The following KCTD16 variants were observed in gnomAD, a reference collection of about 807,000 sequenced individuals.
The protein encoded by KCTD16 is BTB/POZ domain-containing protein KCTD16.
KCTD16 carries 13 observed loss-of-function variants against 33.2 expected under a neutral mutation model. That is an observed-to-expected ratio of 0.39 (90% CI 0.25 to 0.62). The LOEUF (loss-of-function observed/expected upper bound fraction) is 0.62. KCTD16 is among the 20% of genes least tolerant of loss of function. The probability of loss-of-function intolerance (pLI) is 0.50; values close to 1 mark genes in which losing one functional copy is unlikely to be tolerated. For missense variants in KCTD16, 441 were observed against 525.1 expected, an observed-to-expected ratio of 0.84 and a Z score of 1.57; for synonymous variants, 197 against 195.3, an observed-to-expected ratio of 1.01 and a Z score of -0.07.
At chr5:144,352,106 CATCT>C (rs1054458844) in intron 3 of KCTD16, among the ~76,000 whole-genome samples, 4 of 152,170 alleles carry the variant, frequency 2.6e-5, no homozygotes, top group African/African-American at 9.7e-5. Context: ...ACAATGTATA[CATCT>C]ATCAAAACAT....
At chr5:144,380,273 C>G (rs950543403) in intron 3 of KCTD16, among the ~76,000 whole-genome samples, 1 of 151,990 alleles carries the variant, frequency 6.6e-6, no homozygotes, top group African/African-American at 2.4e-5. Flanking sequence ...CCTAGGAATA[C>G]AGCTTACCAA....
At chr5:144,386,226 G>A (rs890619416) in intron 3 of KCTD16, among the ~76,000 whole-genome samples, 50 of 152,176 alleles carry the variant, frequency 3.3e-4, no homozygotes, top group African/African-American at 1.1e-3. Flanking sequence ...CCTCTGTTGT[G>A]AACTGAGTGT....
intron 3 of KCTD16, among the ~76,000 whole-genome samples, chr5:144,384,752 T>C (rs1266345972): frequency 6.6e-6 from 1 of 152,194 alleles, no homozygotes; most frequent in Non-Finnish European, 1.5e-5. Flanking sequence ...AATGAACTGT[T>C]GTGGTAATAT....
rs533817724 is a variant in KCTD16 at position 144,484,867 on chromosome 5, A to G, written c.*10753A>G. ...ACATAAATGTAACGTCATATTGTTT[A>G]CAGGTTATTTTTGTGCGTAATTGTG... On this transcript the variant is annotated 3_prime_UTR_variant, in exon 4 of 4. Coordinates refer to ENST00000512467, the MANE Select transcript of KCTD16 (RefSeq NM_020768.4). The G allele has an allele frequency of 7.2e-5, 11 of 152,106 alleles. No homozygotes were observed. Among genetic ancestry groups the G allele is most frequent in the African/African-American group, 2.4e-4 (10 of 41,556 alleles). The allele number at this position is 152,106 out of a possible 1,614,324, so 9.4% of individuals were successfully genotyped here.
chr5:144,464,964 T>C lies in KCTD16; in HGVS notation c.833-8696T>C, dbSNP rs200665176. On this transcript the variant is annotated intron_variant, in intron 3 of 3. Transcript: ENST00000512467. ...AAGTCTTTTAGATCTTGATTATGAG[T>C]AAATCCCTGTGATGGAAGGTTACCC... Among the ~76,000 whole-genome samples the C allele has an allele frequency of 2.6e-4, 39 of 152,284 alleles. 1 individual carries two copies. The East Asian group carries it at 7.5e-3, about 29-fold the overall frequency.
At chr5:144,205,073 AG>A (rs1753130506) in intron 2 of KCTD16, among the ~76,000 whole-genome samples, 3 of 152,074 alleles carry the variant, frequency 2.0e-5, no homozygotes, top group Admixed American at 6.5e-5. Context: ...CCTCTTGGGT[AG>A]GGGGCAGGGA....
At chr5:144,365,407 T>C (rs1383129650) in intron 3 of KCTD16, among the ~76,000 whole-genome samples, 1 of 152,146 alleles carries the variant, frequency 6.6e-6, no homozygotes, top group Non-Finnish European at 1.5e-5. Flanking sequence ...TAGGGAACTT[T>C]GTGTTCTCAA....
At position 144,485,430 on chromosome 5, in the gene KCTD16, A is replaced by G. The variant is rs1754785833; in HGVS notation, c.*11316A>G. 1 of 151,928 alleles carries G rather than the reference A, an allele frequency of 6.6e-6. No individual in the cohort carries two copies. The highest frequency in any genetic ancestry group is 6.6e-5 in the Admixed American group (1 of 15,216). The allele number at this position is 151,928 out of a possible 1,614,324, so 9.4% of individuals were successfully genotyped here. ...GGATATAAAAAATTAATTTGCTATTAACTGCTTTCATATTCTGTTTAGTTC... is the reference window on the plus strand; with the variant it reads ...GGATATAAAAAATTAATTTGCTATTGACTGCTTTCATATTCTGTTTAGTTC... On this transcript the variant is annotated 3_prime_UTR_variant, in exon 4 of 4. Coordinates refer to ENST00000512467, the MANE Select transcript of KCTD16 (RefSeq NM_020768.4).
chr5:144,267,788 A>T (rs956630472), intron 3 of KCTD16, among the ~76,000 whole-genome samples: 1 of 152,158 alleles, frequency 6.6e-6, no homozygotes, highest in Non-Finnish European at 1.5e-5. Context: ...AAGATTTTGA[A>T]TTTTCACTTT....
chr5:144,235,751 C>T (rs1031667746), intron 3 of KCTD16, among the ~76,000 whole-genome samples: 1 of 152,038 alleles, frequency 6.6e-6, no homozygotes, highest in Non-Finnish European at 1.5e-5. Context: ...TGTCAAACTT[C>T]AGACACTATT....
At chr5:144,362,340 C>G (rs1751732866) in intron 3 of KCTD16, among the ~76,000 whole-genome samples, 1 of 152,120 alleles carries the variant, frequency 6.6e-6, no homozygotes, top group Non-Finnish European at 1.5e-5. Context: ...TGTTCATTTA[C>G]TATTTGAATA....
At chr5:144,186,064 C>G (rs1752718767) in intron 2 of KCTD16, among the ~76,000 whole-genome samples, 1 of 152,136 alleles carries the variant, frequency 6.6e-6, no homozygotes, top group African/African-American at 2.4e-5. Flanking sequence ...CTTCTGTATT[C>G]TAACATTTGA....
chr5:144,418,130 C>T (rs1045875977), intron 3 of KCTD16, among the ~76,000 whole-genome samples: 9 of 152,108 alleles, frequency 5.9e-5, no homozygotes, highest in Admixed American at 1.3e-4. Flanking sequence ...TTCTCCTGCC[C>T]TCACTGGCTT....
intron 3 of KCTD16, among the ~76,000 whole-genome samples, chr5:144,287,440 T>G (rs540733736): frequency 8.0e-4 from 122 of 152,214 alleles, no homozygotes; most frequent in Non-Finnish European, 1.3e-3. Context: ...CCACCACACC[T>G]TACAGCAACT....
At chr5:144,466,102 G>T (rs916708175) in intron 3 of KCTD16, among the ~76,000 whole-genome samples, 9 of 152,122 alleles carry the variant, frequency 5.9e-5, no homozygotes, top group African/African-American at 1.9e-4. Context: ...GCCTGCCAAA[G>T]TGCTGGGATT....
chr5:144,376,618 A>G (rs372386841), intron 3 of KCTD16, among the ~76,000 whole-genome samples: 2 of 152,196 alleles, frequency 1.3e-5, no homozygotes, highest in African/African-American at 4.8e-5. Flanking sequence ...GCAGCCAGAG[A>G]TTCTTGAGAG....
At chr5:144,407,593 T>C (rs1052869095) in intron 3 of KCTD16, among the ~76,000 whole-genome samples, 3 of 152,180 alleles carry the variant, frequency 2.0e-5, no homozygotes, top group Admixed American at 6.5e-5. Context: ...GTTTGTTACA[T>C]AGGTATACAT....
At chr5:144,240,403 T>G (rs1197017654) in intron 3 of KCTD16, among the ~76,000 whole-genome samples, 1 of 152,126 alleles carries the variant, frequency 6.6e-6, no homozygotes, top group Non-Finnish European at 1.5e-5. Flanking sequence ...TTTTTACTTT[T>G]TAAAATTTTG....
chr5:144,389,694 G>A (rs142414088), intron 3 of KCTD16, among the ~76,000 whole-genome samples: 4 of 152,026 alleles, frequency 2.6e-5, no homozygotes, highest in South Asian at 2.1e-4. Context: ...TGTCTTCCAC[G>A]AAACCAGTCC....
Sources: gnomAD v4.1 joint callset for allele counts (sites outside exome capture counted in the v4.1 genomes callset) on GRCh38, gnomAD v4.1.1 for gene constraint, MANE v1.5 for transcripts, NCBI Gene and HGNC (gene_info 2026-07-23, HGNC 2026-07-21) for gene names.